The following CSMD1 variants were observed in gnomAD, a reference collection of about 807,000 sequenced individuals.
CSMD1 encodes CUB and Sushi multiple domains 1, also known as CUB and sushi domain-containing protein 1.
A neutral mutation model predicts 417.5 loss-of-function variants in CSMD1; 213 were observed. The ratio of observed to expected loss-of-function variants is 0.51; its 90% CI spans 0.46 to 0.57. The LOEUF (loss-of-function observed/expected upper bound fraction) is 0.57. CSMD1 is among the 20% of genes least tolerant of loss of function. The probability of loss-of-function intolerance (pLI) is 0.00; values close to 1 mark genes in which losing one functional copy is unlikely to be tolerated. For synonymous variants in CSMD1, 2,862 were observed against 1,736.8 expected (o/e 1.65, Z -16.11); for missense variants, 6,923 against 4,529.7 (o/e 1.53, Z -15.17).
chr8:3,007,572 CA>C (rs1308146216), intron 52 of CSMD1, among the ~76,000 whole-genome samples: 1 of 151,210 alleles, frequency 6.6e-6, no homozygotes, highest in African/African-American at 2.5e-5. Flanking sequence ...ACATATACAC[CA>C]TGGAATACTA....
chr8:4,457,945 C>G (rs1354291685), intron 2 of CSMD1, among the ~76,000 whole-genome samples: 1 of 152,162 alleles, frequency 6.6e-6, no homozygotes, highest in African/African-American at 2.4e-5. Flanking sequence ...TATGTCAACC[C>G]AGGCAGAAAA....
chr8:3,893,339 T>TTATATACATATATATATATATATATA (rs1807114199), intron 5 of CSMD1, among the ~76,000 whole-genome samples: 2 of 80,440 alleles, frequency 2.5e-5, no homozygotes, highest in Non-Finnish European at 5.6e-5. Flanking sequence ...ATTCACAATT[T>TTATATACATATATATATATATATATA]TATATATATA....
rs375240045 is a variant in CSMD1, at chr8:3,807,158, G to C, written c.819-53116C>G. On this transcript the variant is annotated intron_variant, in intron 5 of 69. Transcript: ENST00000635120. ...AAGAAAAGTTTAACCTTGATCCACA[G>C]CCTTTAATTTTCTCTTGTGACCTTC... is the stretch of plus-strand genomic sequence containing the variant. Among the ~76,000 whole-genome samples the C allele has an allele frequency of 1.2e-3, 180 of 152,214 alleles. 1 individual carries two copies. The highest frequency in any genetic ancestry group is 4.2e-3 in the African/African-American group (174 of 41,542).
intron 10 of CSMD1, among the ~76,000 whole-genome samples, chr8:3,556,789 C>T (rs577488968): frequency 6.6e-6 from 1 of 152,128 alleles, no homozygotes; most frequent in Non-Finnish European, 1.5e-5. Context: ...CATAGAAAGA[C>T]TGCCAAAAGA....
At chr8:2,981,016 C>G (rs1260876665) in intron 54 of CSMD1, among the ~76,000 whole-genome samples, 6 of 152,182 alleles carry the variant, frequency 3.9e-5, no homozygotes, top group African/African-American at 1.4e-4. Context: ...CCTTTTCAGT[C>G]CTACATAGAG....
At chr8:3,722,101 G>C (rs954083853) in intron 6 of CSMD1, among the ~76,000 whole-genome samples, 3 of 152,254 alleles carry the variant, frequency 2.0e-5, no homozygotes, top group South Asian at 2.1e-4. Flanking sequence ...TCAGCACTTT[G>C]GGAGGCCGAG....
intron 1 of CSMD1, among the ~76,000 whole-genome samples, chr8:4,673,783 G>C (rs901790034): frequency 6.6e-6 from 1 of 152,172 alleles, no homozygotes; most frequent in Non-Finnish European, 1.5e-5. Flanking sequence ...GTATGATTAA[G>C]TTTGTATGAA....
At chr8:4,156,340 T>G (rs561208233) in intron 3 of CSMD1, among the ~76,000 whole-genome samples, 63 of 152,278 alleles carry the variant, frequency 4.1e-4, no homozygotes, top group Non-Finnish European at 8.4e-4. Context: ...AAAGTTTATG[T>G]TCTCTCTGGT....
chr8:4,287,439 G>A (rs147801955), intron 3 of CSMD1, among the ~76,000 whole-genome samples: 18 of 152,084 alleles, frequency 1.2e-4, no homozygotes, highest in East Asian at 5.8e-4. Flanking sequence ...CCTTTCTTAC[G>A]TCCAATATTG....
At chr8:3,236,139 C>G (rs180796600) in intron 26 of CSMD1, among the ~76,000 whole-genome samples, 2 of 151,808 alleles carry the variant, frequency 1.3e-5, no homozygotes, top group Non-Finnish European at 2.9e-5. Flanking sequence ...AGGAGAGTCT[C>G]GATCTCTTAA....
chr8:3,301,161 C>T (rs950978540), intron 25 of CSMD1, among the ~76,000 whole-genome samples: 2 of 151,674 alleles, frequency 1.3e-5, no homozygotes, highest in Non-Finnish European at 2.9e-5. Context: ...TCTATATAGA[C>T]ATTAGTTTTA....
chr8:3,784,186 T>A (rs756548351), intron 5 of CSMD1, among the ~76,000 whole-genome samples: 80 of 152,314 alleles, frequency 5.3e-4, no homozygotes, highest in African/African-American at 1.3e-3. Context: ...GTGTCACACC[T>A]TGGGAAAGGG....
intron 1 of CSMD1, among the ~76,000 whole-genome samples, chr8:4,729,909 G>C (rs984489453): frequency 6.6e-6 from 1 of 152,116 alleles, no homozygotes; most frequent in African/African-American, 2.4e-5. Flanking sequence ...TTCAGCGGGA[G>C]TTTTGATTTT....
intron 57 of CSMD1, among the ~76,000 whole-genome samples, chr8:2,968,193 C>G (rs73499081): frequency 0.013 from 2,003 of 152,336 alleles, 45 homozygotes; most frequent in African/African-American, 0.045. Context: ...TCCAAGACAA[C>G]TATTCATTCA....
chr8:3,972,960 C>T (rs1015018336), intron 5 of CSMD1, among the ~76,000 whole-genome samples: 2 of 152,150 alleles, frequency 1.3e-5, no homozygotes, highest in Non-Finnish European at 2.9e-5. Flanking sequence ...ATAAAAATTA[C>T]TCACAATACT....
chr8:3,611,192 C>G (rs906613152), intron 8 of CSMD1, among the ~76,000 whole-genome samples: 2 of 151,658 alleles, frequency 1.3e-5, no homozygotes, highest in African/African-American at 2.4e-5. Flanking sequence ...CGTAACTAAC[C>G]TGCACATTGT....
At chr8:3,526,245 A>T (rs1412821803) in intron 10 of CSMD1, among the ~76,000 whole-genome samples, 2 of 152,194 alleles carry the variant, frequency 1.3e-5, no homozygotes, top group Non-Finnish European at 2.9e-5. Context: ...TCTATAGAAT[A>T]TAAATTGTCT....
At chr8:3,583,466 T>C (rs1800467287) in intron 9 of CSMD1, among the ~76,000 whole-genome samples, 1 of 151,802 alleles carries the variant, frequency 6.6e-6, no homozygotes, top group African/African-American at 2.4e-5. Flanking sequence ...CCGAAAGAGG[T>C]GGCAGAAGCT....
At chr8:4,055,504 AG>A (rs1798645328) in intron 3 of CSMD1, among the ~76,000 whole-genome samples, 1 of 141,080 alleles carries the variant, frequency 7.1e-6, no homozygotes, top group African/African-American at 3.1e-5. Flanking sequence ...CATATAAATA[AG>A]AGTCAAAATC....
Sources: gnomAD v4.1 joint callset for allele counts (sites outside exome capture counted in the v4.1 genomes callset) on GRCh38, gnomAD v4.1.1 for gene constraint, MANE v1.5 for transcripts, NCBI Gene and HGNC (gene_info 2026-07-23, HGNC 2026-07-21) for gene names.